The following TMEFF2 variants were observed in gnomAD, a reference collection of about 807,000 sequenced individuals.
TMEFF2 encodes the protein tomoregulin-2.
TMEFF2 carries 28 observed loss-of-function variants against 53.8 expected under a neutral mutation model. That is an observed-to-expected ratio of 0.52 (90% confidence interval 0.39 to 0.71). The LOEUF (loss-of-function observed/expected upper bound fraction) is 0.71, where lower values mean the gene tolerates loss of function less well. TMEFF2 is among the 30% of genes least tolerant of loss of function. TMEFF2 has a pLI of 0.00. For missense variants in TMEFF2, 353 were observed against 455.2 expected, an observed-to-expected ratio of 0.78 and a Z score of 2.04; for synonymous variants, 162 against 166.3, an observed-to-expected ratio of 0.97 and a Z score of 0.20.
At position 192,087,417 on chromosome 2, in the gene TMEFF2, A is replaced by G. The variant is rs72918109; in HGVS notation, c.440-29642T>C. On this transcript the variant is annotated intron_variant, in intron 4 of 9. Transcript: ENST00000272771. ...ATTGGTCCTGAAGTGTGTGGGTTTC[A>G]CTTTCTTATAGCATCCTGGGTCCCA... 2.8e-3 allele frequency among the ~76,000 whole-genome samples: 419 copies of G among 152,238 alleles called. 2 individuals carry two copies. Among genetic ancestry groups the G allele is most frequent in the Admixed American group, 4.8e-3 (73 of 15,254 alleles).
chr2:192,037,335 A>AAGAAAGAAAGAAAGAC (rs1687340283), intron 5 of TMEFF2, among the ~76,000 whole-genome samples: 1 of 150,420 alleles, frequency 6.6e-6, no homozygotes, highest in Non-Finnish European at 1.5e-5. Context: ...GAAAGAAAGA[A>AAGAAAGAAAGAAAGAC]AAACAGAAAA....
chr2:192,068,607 GA>G (rs2105913498), intron 4 of TMEFF2, among the ~76,000 whole-genome samples: 1 of 151,900 alleles, frequency 6.6e-6, no homozygotes, highest in Admixed American at 6.6e-5. Context: ...TTGGATAAAA[GA>G]AAGCACTAAA....
At chr2:191,998,181 G>C in intron 7 of TMEFF2, 81 bp downstream of exon 7, 1 of 1,102,450 alleles carries the variant, frequency 9.1e-7, no homozygotes, top group Non-Finnish European at 1.3e-6. Flanking sequence ...GCTTCACTTT[G>C]GAATAAGTAG....
intron 2 of TMEFF2, among the ~76,000 whole-genome samples, chr2:192,188,333 C>G (rs1302306080): frequency 6.6e-6 from 1 of 152,176 alleles, no homozygotes; most frequent in African/African-American, 2.4e-5. Flanking sequence ...AACTCAGCCA[C>G]TATGCTATGA....
chr2:192,188,399 C>T (rs1432420696), intron 2 of TMEFF2, among the ~76,000 whole-genome samples: 1 of 152,182 alleles, frequency 6.6e-6, no homozygotes, highest in Non-Finnish European at 1.5e-5. Context: ...CCAAGGTCTT[C>T]AGCTGACAGT....
chr2:192,159,062 G>A (rs553600157), intron 4 of TMEFF2, among the ~76,000 whole-genome samples: 6 of 152,206 alleles, frequency 3.9e-5, no homozygotes, highest in African/African-American at 1.4e-4. Context: ...TCAAGGCCAA[G>A]AGATTATTCT....
intron 5 of TMEFF2, among the ~76,000 whole-genome samples, chr2:192,001,129 T>C (rs1281880994): frequency 6.6e-6 from 1 of 152,166 alleles, no homozygotes; most frequent in Non-Finnish European, 1.5e-5. Flanking sequence ...AAAAAGGTAG[T>C]TTCTTTTGCC....
At chr2:192,118,273 C>T (rs1003806459) in intron 4 of TMEFF2, among the ~76,000 whole-genome samples, 5 of 152,054 alleles carry the variant, frequency 3.3e-5, no homozygotes, top group Admixed American at 1.3e-4. Context: ...GTTTGATCCT[C>T]TTCAATTGAC....
chr2:192,013,455 C>G (rs1183824184), intron 5 of TMEFF2, among the ~76,000 whole-genome samples: 11 of 143,832 alleles, frequency 7.6e-5, no homozygotes, highest in African/African-American at 2.5e-4. Context: ...ATATTACATA[C>G]TTTTTTTTTT....
At chr2:192,163,325 T>C (rs1397371499) in intron 4 of TMEFF2, among the ~76,000 whole-genome samples, 1 of 152,134 alleles carries the variant, frequency 6.6e-6, no homozygotes, top group African/African-American at 2.4e-5. Flanking sequence ...AAAAATATAA[T>C]GAAAGAAATG....
chr2:191,973,559 AGTGAATCTCTAAT>A (rs1442251499), intron 7 of TMEFF2, among the ~76,000 whole-genome samples: 1 of 151,852 alleles, frequency 6.6e-6, no homozygotes, highest in Non-Finnish European at 1.5e-5. Flanking sequence ...AGAAATATTC[AGTGAATCTCTAAT>A]GTCATGAGAG....
At position 191,950,351 on chromosome 2, in the gene TMEFF2, C is replaced by T. The variant is rs1448031388; in HGVS notation, c.1085G>A (p.Ser362Asn). 6.2e-7 allele frequency: 1 copy of T among 1,613,854 alleles called. No individual in the cohort carries two copies. Among genetic ancestry groups the T allele is most frequent in the African/African-American group, 1.3e-5 (1 of 74,968 alleles). ...GGACGCTCTTGTTGTATTGTCTGAA[C>T]TGTAGTGCCCTGTATTTTGCTTCTG... ...HRQKQNTGHY[S>N]SDNTTRASTR... is the part of the protein sequence containing the mutation. The change falls in exon 10 of 10, where the codon AGT (serine) becomes AAT (asparagine). Residue 362 changes from serine to asparagine, a missense_variant. By Grantham distance (46) the Ser-to-Asn change is conservative. This residue lies in a region of TMEFF2 where 294 missense variants were observed against 397.3 expected (regional missense o/e 0.74). Coordinates refer to ENST00000272771, the MANE Select transcript of TMEFF2 (RefSeq NM_016192.4).
At chr2:192,102,730 C>T (rs539912847) in intron 4 of TMEFF2, among the ~76,000 whole-genome samples, 1 of 139,080 alleles carries the variant, frequency 7.2e-6, no homozygotes, top group South Asian at 2.2e-4. Context: ...AGTGAGGTGG[C>T]ACGATAATTT....
At chr2:192,150,066 G>C (rs1690347442) in intron 4 of TMEFF2, among the ~76,000 whole-genome samples, 1 of 151,862 alleles carries the variant, frequency 6.6e-6, no homozygotes, top group Admixed American at 6.6e-5. Flanking sequence ...TTCCACTTGT[G>C]ATTTTTGAGA....
Position 192,189,803 on chromosome 2 carries a change from T to TTGA in TMEFF2, c.282+2076_282+2077insTCA, listed in dbSNP as rs768701528. On this transcript the variant is annotated intron_variant, in intron 2 of 9. Transcript: ENST00000272771. Reference sequence around the variant, plus strand: ...CTTATACTTTTCTTTGATTTTCAACTTAATTCAGCCACTCTATATTCTTGG... The same window carrying TTGA: ...CTTATACTTTTCTTTGATTTTCAACTTGATAATTCAGCCACTCTATATTCTTGG... Among the ~76,000 whole-genome samples the TTGA allele has an allele frequency of 1.7e-3, 254 of 152,244 alleles. 1 individual carries two copies. The highest frequency in any genetic ancestry group is 2.8e-3 in the Non-Finnish European group (192 of 68,020).
At chr2:192,143,902 G>T (rs1690193236) in intron 4 of TMEFF2, among the ~76,000 whole-genome samples, 1 of 151,626 alleles carries the variant, frequency 6.6e-6, no homozygotes, top group African/African-American at 2.4e-5. Context: ...GTTTATTTTT[G>T]CCTGACTTTT....
At chr2:192,009,443 G>A (rs946645592) in intron 5 of TMEFF2, among the ~76,000 whole-genome samples, 1 of 152,012 alleles carries the variant, frequency 6.6e-6, no homozygotes, top group Non-Finnish European at 1.5e-5. Flanking sequence ...TTTCCCAATT[G>A]ATGTTTGCTA....
chr2:191,973,614 G>T (rs543674357), intron 7 of TMEFF2, among the ~76,000 whole-genome samples: 1 of 151,994 alleles, frequency 6.6e-6, no homozygotes, highest in East Asian at 1.9e-4. Flanking sequence ...GAAGCCATGT[G>T]TGTCTCCTAA....
chr2:192,047,487 CTT>C (rs1358757066), intron 5 of TMEFF2, among the ~76,000 whole-genome samples: 1 of 152,096 alleles, frequency 6.6e-6, no homozygotes, highest in African/African-American at 2.4e-5. Context: ...GTGTCAAAGA[CTT>C]TGAAAGGCTG....
Sources: gnomAD v4.1 joint callset for allele counts (sites outside exome capture counted in the v4.1 genomes callset) on GRCh38, gnomAD v4.1.1 for gene constraint, gnomAD v4.1.1 regional missense constraint, MANE v1.5 for transcripts, NCBI Gene and HGNC (gene_info 2026-07-23, HGNC 2026-07-21) for gene names.